The following SOS1 variants were observed in gnomAD, a reference collection of about 807,000 sequenced individuals.
SOS1 encodes the protein son of sevenless homolog 1.
A neutral mutation model predicts 157.6 loss-of-function variants in SOS1; 25 were observed. The observed-to-expected ratio is 0.16, with a 90% CI of 0.12 to 0.22. The LOEUF (loss-of-function observed/expected upper bound fraction) is 0.22. SOS1 is among the 10% of genes least tolerant of loss of function. The probability of loss-of-function intolerance (pLI) is 1.00; values close to 1 mark genes in which losing one functional copy is unlikely to be tolerated. For synonymous variants in SOS1, 528 were observed against 534.0 expected (o/e 0.99, Z 0.16); for missense variants, 1,237 against 1,599.1 (o/e 0.77, Z 3.86).
chr2:39,046,143 T>C (rs1423234708), intron 6 of SOS1, among the ~76,000 whole-genome samples: 1 of 152,232 alleles, frequency 6.6e-6, no homozygotes, highest in East Asian at 1.9e-4. Flanking sequence ...TCATTGTTTT[T>C]GTTTGCTTCA....
chr2:39,009,555 T>G (rs1262913153), intron 15 of SOS1, among the ~76,000 whole-genome samples: 1 of 152,234 alleles, frequency 6.6e-6, no homozygotes, highest in African/African-American at 2.4e-5. Context: ...TAAACATTGT[T>G]GAATTTATTG....
chr2:38,987,987 T>A (rs1668604451), intron 21 of SOS1, among the ~76,000 whole-genome samples: 1 of 152,118 alleles, frequency 6.6e-6, no homozygotes, highest in South Asian at 2.1e-4. Context: ...TTATTAGAAT[T>A]TATAGAACTT....
chr2:39,083,021 G>C (rs1672261681), intron 1 of SOS1, among the ~76,000 whole-genome samples: 2 of 152,148 alleles, frequency 1.3e-5, no homozygotes, highest in African/African-American at 4.8e-5. Context: ...CAGAGTTGTA[G>C]CAAGTTATCT....
At chr2:39,007,354 G>A in intron 15 of SOS1, 161 bp from the exon 16 acceptor site, 1 of 615,152 alleles carries the variant, frequency 1.6e-6, no homozygotes, top group South Asian at 2.0e-5. Context: ...AAGGAAGGCA[G>A]TGCCTCCAGT....
intron 17 of SOS1, among the ~76,000 whole-genome samples, chr2:39,003,110 A>G (rs919326376): frequency 6.6e-6 from 1 of 151,998 alleles, no homozygotes; most frequent in Non-Finnish European, 1.5e-5. Context: ...GTCCTCAGGA[A>G]AACTAGGAAT....
chr2:39,021,427 A>C (rs1669791780), intron 10 of SOS1, among the ~76,000 whole-genome samples: 1 of 151,480 alleles, frequency 6.6e-6, no homozygotes, highest in Admixed American at 6.6e-5. Context: ...TTACAGAAAC[A>C]ATTAAAAATT....
chr2:39,048,305 C>A (rs576630515), intron 6 of SOS1, among the ~76,000 whole-genome samples: 9 of 152,294 alleles, frequency 5.9e-5, no homozygotes, highest in Admixed American at 5.9e-4. Flanking sequence ...ATATATTACT[C>A]AACTGACTGT....
chr2:39,058,631 A>AT (rs1447767508), intron 3 of SOS1, 42 bp downstream of exon 3: 1 of 1,602,668 alleles, frequency 6.2e-7, no homozygotes, highest in Admixed American at 1.7e-5. Context: ...GGTGGGTTTT[A>AT]TTTTTCCCTT....
chr2:39,074,873 GAAA>G (rs200642538), intron 1 of SOS1, among the ~76,000 whole-genome samples: 2 of 109,058 alleles, frequency 1.8e-5, no homozygotes, highest in Admixed American at 9.7e-5. Flanking sequence ...GCCTCAACAG[GAAA>G]AAAAAAAAAA....
chr2:39,115,636 T>C (rs1274496151), intron 1 of SOS1, among the ~76,000 whole-genome samples: 1 of 151,894 alleles, frequency 6.6e-6, no homozygotes, highest in Non-Finnish European at 1.5e-5. Flanking sequence ...CAGGGTTTCA[T>C]TATGTTGCCT....
intron 2 of SOS1, among the ~76,000 whole-genome samples, chr2:39,061,176 A>G (rs1174012414): frequency 6.6e-6 from 1 of 151,644 alleles, no homozygotes; most frequent in Non-Finnish European, 1.5e-5. Flanking sequence ...GGTATTAATG[A>G]AATCAAATTA....
At chr2:39,073,079 G>A (rs925108694) in intron 1 of SOS1, among the ~76,000 whole-genome samples, 1 of 152,168 alleles carries the variant, frequency 6.6e-6, no homozygotes, top group Non-Finnish European at 1.5e-5. Flanking sequence ...CCATGAGATA[G>A]TGTTACAGCC....
chr2:39,020,713 G>A (rs949455619), intron 10 of SOS1, among the ~76,000 whole-genome samples: 3 of 151,620 alleles, frequency 2.0e-5, no homozygotes, highest in African/African-American at 7.3e-5. Flanking sequence ...ATTCTATGTT[G>A]CCAGTAATAA....
At chr2:39,122,302 C>T (rs542547991), upstream of SOS1, among the ~76,000 whole-genome samples, 86 of 152,048 alleles carry the variant, frequency 5.7e-4, no homozygotes, top group African/African-American at 1.8e-3. Context: ...TGGTGGTGGG[C>T]GCCTGTAATC....
upstream of SOS1, among the ~76,000 whole-genome samples, chr2:39,124,536 C>T (rs577700157): frequency 6.6e-6 from 1 of 152,374 alleles, no homozygotes; most frequent in East Asian, 1.9e-4. Flanking sequence ...CAGTGTGCCC[C>T]CTGCAGGTGC....
intron 8 of SOS1, among the ~76,000 whole-genome samples, chr2:39,025,246 TAG>T (rs1669917782): frequency 6.6e-6 from 1 of 152,182 alleles, no homozygotes. Context: ...ATTTTATCAA[TAG>T]AGTTTTCATC....
chr2:39,028,434 C>G lies in SOS1; in HGVS notation c.1075-4297G>C, dbSNP rs183214758. Among the ~76,000 whole-genome samples, 5 of 152,272 alleles carry G rather than the reference C, an allele frequency of 3.3e-5. No individual in the cohort carries two copies. The East Asian group carries it at 7.7e-4, about 23-fold the overall frequency. ...CAGTGCATTTTATATGCTCAATTCA[C>G]TCACAATCATATAATGGCTTCCCTT... On this transcript the variant is annotated intron_variant, in intron 8 of 22. Coordinates refer to ENST00000402219, the MANE Select transcript of SOS1 (RefSeq NM_005633.4).
intron 1 of SOS1, among the ~76,000 whole-genome samples, chr2:39,074,981 G>T (rs1671920821): frequency 2.0e-5 from 3 of 152,160 alleles, no homozygotes; most frequent in Admixed American, 2.0e-4. Flanking sequence ...GGAAGGCGCA[G>T]GTTGTATATC....
intron 1 of SOS1, among the ~76,000 whole-genome samples, chr2:39,101,426 TTTCA>T (rs1418788600): frequency 1.3e-5 from 2 of 152,106 alleles, no homozygotes; most frequent in Admixed American, 6.6e-5. Context: ...GCAAAAGTAG[TTTCA>T]TTATTATGCC....
Sources: allele counts gnomAD v4.1 joint callset (sites outside exome capture counted in the v4.1 genomes callset), GRCh38; gene constraint gnomAD v4.1.1; transcripts MANE v1.5; gene names NCBI Gene and HGNC (gene_info 2026-07-23, HGNC 2026-07-21).